The following GRM5 variants were observed in gnomAD, a reference collection of about 807,000 sequenced individuals.
GRM5 encodes the protein glutamate metabotropic receptor 5, also known as metabotropic glutamate receptor 5.
A neutral mutation model predicts 83.1 loss-of-function variants in GRM5; 19 were observed. That is an observed-to-expected ratio of 0.23 (90% CI 0.16 to 0.34). GRM5 has a LOEUF of 0.34. Among genes scored for constraint, GRM5 ranks in the 10% least tolerant of loss-of-function variants. The pLI is 1.00. For missense variants in GRM5, 1,160 were observed against 1,588.3 expected (o/e 0.73, Z 4.58); for synonymous variants, 675 against 633.6 (o/e 1.07, Z -0.98).
chr11:88,627,421 A>G (rs906475261), intron 4 of GRM5, among the ~76,000 whole-genome samples: 1 of 152,136 alleles, frequency 6.6e-6, no homozygotes, highest in African/African-American at 2.4e-5. Flanking sequence ...TGCAGTTACT[A>G]TCTGAAAGAT....
intron 2 of GRM5, among the ~76,000 whole-genome samples, chr11:88,872,712 T>C (rs1193630546): frequency 6.6e-6 from 1 of 151,098 alleles, no homozygotes; most frequent in Admixed American, 6.6e-5. Flanking sequence ...AACACAGCAA[T>C]TGTGAGGTAT....
chr11:88,865,272 T>A (rs1195577151), intron 2 of GRM5, among the ~76,000 whole-genome samples: 1 of 152,102 alleles, frequency 6.6e-6, no homozygotes, highest in African/African-American at 2.4e-5. Flanking sequence ...TGCAACCACC[T>A]GATGTTTGAC....
At chr11:88,694,402 T>C (rs184956779) in intron 3 of GRM5, among the ~76,000 whole-genome samples, 2 of 152,106 alleles carry the variant, frequency 1.3e-5, no homozygotes, top group East Asian at 1.9e-4. Context: ...GTACAATGAA[T>C]AGCACACAAC....
At chr11:88,666,327 G>A (rs150983166) in intron 3 of GRM5, among the ~76,000 whole-genome samples, 44 of 152,296 alleles carry the variant, frequency 2.9e-4, no homozygotes, top group African/African-American at 9.4e-4. Flanking sequence ...TTCTGGTGAG[G>A]GCTTTTGTGC....
chr11:88,682,503 A>G (rs1177154178), intron 3 of GRM5, among the ~76,000 whole-genome samples: 2 of 152,166 alleles, frequency 1.3e-5, no homozygotes, highest in African/African-American at 4.8e-5. Flanking sequence ...TGAGATACCT[A>G]TCTACTTAGC....
At chr11:89,050,422 A>C (rs534105607) in intron 1 of GRM5, among the ~76,000 whole-genome samples, 3 of 152,274 alleles carry the variant, frequency 2.0e-5, no homozygotes, top group Non-Finnish European at 4.4e-5. Context: ...AGCTCCCTAT[A>C]CTTGTGGGCC....
At chr11:88,560,653 T>C (rs989243015) in intron 8 of GRM5, among the ~76,000 whole-genome samples, 2 of 152,166 alleles carry the variant, frequency 1.3e-5, no homozygotes, top group Admixed American at 1.3e-4. Context: ...GTGAGCTCCA[T>C]GAGGTGCTGC....
At chr11:88,822,377 GA>G (rs1272852000) in intron 3 of GRM5, among the ~76,000 whole-genome samples, 1 of 152,180 alleles carries the variant, frequency 6.6e-6, no homozygotes, top group Non-Finnish European at 1.5e-5. Flanking sequence ...ATGATTTTAA[GA>G]TGCAGGATAA....
At chr11:88,961,118 G>C (rs1436830827) in intron 2 of GRM5, among the ~76,000 whole-genome samples, 1 of 152,120 alleles carries the variant, frequency 6.6e-6, no homozygotes, top group Non-Finnish European at 1.5e-5. Flanking sequence ...TGAATCTCTA[G>C]GTGAGAAATT....
At chr11:88,799,202 T>G (rs182596913) in intron 3 of GRM5, among the ~76,000 whole-genome samples, 431 of 152,246 alleles carry the variant, frequency 2.8e-3, no homozygotes, top group Non-Finnish European at 5.2e-3. Flanking sequence ...GAATTTTCAT[T>G]GAATTGCTGC....
chr11:88,854,660 G>C (rs1201569595), intron 2 of GRM5, among the ~76,000 whole-genome samples: 2 of 152,084 alleles, frequency 1.3e-5, no homozygotes, highest in Middle Eastern at 3.4e-3. Context: ...AGTAAGGGTT[G>C]AAAAATTATT....
chr11:88,712,363 C>A (rs1200845648), intron 3 of GRM5, among the ~76,000 whole-genome samples: 2 of 152,022 alleles, frequency 1.3e-5, no homozygotes, highest in East Asian at 1.9e-4. Flanking sequence ...TTAGAGCCAA[C>A]ATTCTCTGCA....
At chr11:88,728,485 A>G (rs995922723) in intron 3 of GRM5, among the ~76,000 whole-genome samples, 1 of 152,180 alleles carries the variant, frequency 6.6e-6, no homozygotes, top group Non-Finnish European at 1.5e-5. Context: ...AACTATTCCA[A>G]ACAATAGAAA....
intron 4 of GRM5, among the ~76,000 whole-genome samples, chr11:88,624,592 G>A (rs1938736554): frequency 6.6e-6 from 1 of 152,146 alleles, no homozygotes; most frequent in Non-Finnish European, 1.5e-5. Context: ...CAAGACGGGA[G>A]GATCTCTTGA....
At chr11:88,904,410 C>G (rs193060712) in intron 2 of GRM5, among the ~76,000 whole-genome samples, 1 of 152,312 alleles carries the variant, frequency 6.6e-6, no homozygotes, top group East Asian at 1.9e-4. Flanking sequence ...TCAATCTCAA[C>G]TTCCAATGGG....
intron 2 of GRM5, among the ~76,000 whole-genome samples, chr11:88,906,936 G>C (rs1483050227): frequency 6.6e-6 from 1 of 152,094 alleles, no homozygotes; most frequent in African/African-American, 2.4e-5. Flanking sequence ...TTACTAGTTT[G>C]AACATCTAGT....
At chr11:88,688,314 G>A (rs1333455858) in intron 3 of GRM5, among the ~76,000 whole-genome samples, 3 of 152,040 alleles carry the variant, frequency 2.0e-5, no homozygotes, top group African/African-American at 7.3e-5. Context: ...TTCCTTAATT[G>A]TACTTAATAT....
At chr11:89,006,653 C>A (rs975408821) in intron 2 of GRM5, among the ~76,000 whole-genome samples, 1 of 152,240 alleles carries the variant, frequency 6.6e-6, no homozygotes, top group Non-Finnish European at 1.5e-5. Flanking sequence ...TGTGCACCAG[C>A]CACTTTGGCC....
chr11:88,584,108 A>C (rs971663460), intron 7 of GRM5, among the ~76,000 whole-genome samples: 1 of 152,084 alleles, frequency 6.6e-6, no homozygotes, highest in African/African-American at 2.4e-5. Flanking sequence ...GAATCATTTA[A>C]ATTATAAAAT....
Sources: gnomAD v4.1 joint callset for allele counts (sites outside exome capture counted in the v4.1 genomes callset) on GRCh38, gnomAD v4.1.1 for gene constraint, MANE v1.5 for transcripts, NCBI Gene and HGNC (gene_info 2026-07-23, HGNC 2026-07-21) for gene names.